Variants in CRADD observed in about 807,000 individuals in gnomAD.
The protein encoded by CRADD is CARD and death domain containing adaptor protein.
In CRADD, 9 loss-of-function variants were observed where a neutral mutation model predicts 15.5. That is an observed-to-expected ratio of 0.58 (90% CI 0.35 to 1.01). The LOEUF (loss-of-function observed/expected upper bound fraction) is 1.01, where lower values mean the gene tolerates loss of function less well. Ranked by LOEUF, CRADD falls within the 50% of genes least tolerant of loss-of-function variation. The probability of loss-of-function intolerance (pLI) is 0.02; values close to 1 mark genes in which losing one functional copy is unlikely to be tolerated. For missense variants in CRADD, 227 were observed against 250.3 expected, an observed-to-expected ratio of 0.91 and a Z score of 0.63; for synonymous variants, 118 against 107.6, an observed-to-expected ratio of 1.10 and a Z score of -0.60.
intron 2 of CRADD, among the ~76,000 whole-genome samples, chr12:93,832,229 T>C (rs1957913301): frequency 1.3e-5 from 2 of 152,178 alleles, no homozygotes; most frequent in Admixed American, 6.5e-5. Flanking sequence ...TCTCTCTTCC[T>C]AGGATGCTAA....
chr12:93,789,952 A>G (rs1295569502), intron 2 of CRADD, among the ~76,000 whole-genome samples: 1 of 152,160 alleles, frequency 6.6e-6, no homozygotes, highest in African/African-American at 2.4e-5. Context: ...AAATTTCACA[A>G]TATGTGAAAG....
intron 2 of CRADD, among the ~76,000 whole-genome samples, chr12:93,812,436 A>G (rs1957639067): frequency 6.6e-6 from 1 of 152,042 alleles, no homozygotes; most frequent in South Asian, 2.1e-4. Flanking sequence ...GCACTTTGGG[A>G]GGCCGAGGTG....
chr12:93,719,639 TA>T (rs1418057038), intron 2 of CRADD, among the ~76,000 whole-genome samples: 10 of 152,176 alleles, frequency 6.6e-5, no homozygotes, highest in South Asian at 2.1e-4. Flanking sequence ...CAGGCCAACT[TA>T]GATTGTTTAT....
intron 2 of CRADD, among the ~76,000 whole-genome samples, chr12:93,876,439 A>T (rs1179835664): frequency 6.6e-6 from 1 of 152,138 alleles, no homozygotes; most frequent in South Asian, 2.1e-4. Context: ...CCTCCTATTT[A>T]AGGCCAATAA....
intron 2 of CRADD, among the ~76,000 whole-genome samples, chr12:93,724,581 G>A (rs187263050): frequency 5.3e-5 from 8 of 152,236 alleles, no homozygotes; most frequent in Non-Finnish European, 7.4e-5. Context: ...TAAATACAGA[G>A]CTGGAAACCA....
Position 93,722,021 on chromosome 12 carries a change from A to C in CRADD, c.298+42949A>C, listed in dbSNP as rs150308389. On this transcript the variant is annotated intron_variant, in intron 2 of 2. Coordinates refer to ENST00000332896, the MANE Select transcript of CRADD (RefSeq NM_003805.5). ...CTTCTTTTAACATTTCTTGTAAGGCAGGTCTACTGCCAACAAACTCTGTCA... is the reference window on the plus strand; with the variant it reads ...CTTCTTTTAACATTTCTTGTAAGGCCGGTCTACTGCCAACAAACTCTGTCA... 3.2e-3 allele frequency among the ~76,000 whole-genome samples: 489 copies of C among 152,290 alleles called. 1 individual carries two copies. The highest frequency in any genetic ancestry group is 5.3e-3 in the Non-Finnish European group (359 of 68,012).
At chr12:93,862,739 T>C (rs1958328144) in intron 2 of CRADD, among the ~76,000 whole-genome samples, 1 of 152,164 alleles carries the variant, frequency 6.6e-6, no homozygotes, top group Non-Finnish European at 1.5e-5. Context: ...AAATCAGAAA[T>C]GTGTGGTATT....
At position 93,787,309 on chromosome 12, in the gene CRADD, T is replaced by G. The variant is rs894349935; in HGVS notation, c.299-62661T>G. Among the ~76,000 whole-genome samples the G allele has an allele frequency of 3.6e-3, 475 of 133,610 alleles. 3 individuals carry two copies. Among genetic ancestry groups the G allele is most frequent in the African/African-American group, 0.012 (456 of 36,792 alleles). The allele number at this position is 133,610 out of a possible 152,430, so 87.7% of individuals were successfully genotyped here. ...ACTGTAAAGTAGTATGACAGGGTTT[T>G]TTTTTTTTTTTTTTTTTTTTTAATA... is the stretch of plus-strand genomic sequence containing the variant. On this transcript the variant is annotated intron_variant, in intron 2 of 2. Coordinates refer to ENST00000332896, the MANE Select transcript of CRADD (RefSeq NM_003805.5).
In CRADD at chr12:93,882,363, G is replaced by A. The variant is rs753901885; in HGVS notation, c.299-11687G>A. 2.0e-5 allele frequency among the ~76,000 whole-genome samples: 3 copies of A among 149,372 alleles called. No homozygotes were observed. The East Asian group carries it at 6.0e-4, about 30-fold the overall frequency. ...TTGAACCCGGGAAACGGAGGTTGCA[G>A]TGAGCTGAGTCTGTGCCACTGTACT... On this transcript the variant is annotated intron_variant, in intron 2 of 2. Coordinates refer to the CRADD transcript ENST00000548483.
chr12:93,795,304 C>G (rs1189668930), intron 2 of CRADD, among the ~76,000 whole-genome samples: 1 of 152,152 alleles, frequency 6.6e-6, no homozygotes. Context: ...ACGCTTCTTC[C>G]CCATCCCTAA....
At chr12:93,809,734 A>T (rs936177525) in intron 2 of CRADD, among the ~76,000 whole-genome samples, 2 of 152,214 alleles carry the variant, frequency 1.3e-5, no homozygotes, top group Non-Finnish European at 2.9e-5. Flanking sequence ...GCATCTTGGC[A>T]TAGCTGGTTT....
chr12:93,781,595 G>A (rs982409800), intron 2 of CRADD, among the ~76,000 whole-genome samples: 8 of 152,278 alleles, frequency 5.3e-5, no homozygotes, highest in East Asian at 1.9e-4. Flanking sequence ...TGGAACAGCC[G>A]AACGTTAGTT....
At chr12:93,866,983 G>T (rs1400309618) in intron 2 of CRADD, among the ~76,000 whole-genome samples, 2 of 152,132 alleles carry the variant, frequency 1.3e-5, no homozygotes, top group African/African-American at 4.8e-5. Context: ...TCTGCTGAGG[G>T]AAAGAGGGGT....
intron 2 of CRADD, among the ~76,000 whole-genome samples, chr12:93,771,444 G>T (rs1296092281): frequency 6.6e-6 from 1 of 152,128 alleles, no homozygotes; most frequent in African/African-American, 2.4e-5. Context: ...CTTTTGCTCA[G>T]TGTTTTTATA....
chr12:93,879,121 T>G (rs916679546), intron 2 of CRADD, among the ~76,000 whole-genome samples: 1 of 152,208 alleles, frequency 6.6e-6, no homozygotes, highest in Admixed American at 6.5e-5. Context: ...TGATTTGGTC[T>G]TCCAAATCAC....
intron 2 of CRADD, among the ~76,000 whole-genome samples, chr12:93,817,050 T>TA (rs933582194): frequency 2.0e-5 from 3 of 152,198 alleles, no homozygotes; most frequent in African/African-American, 7.2e-5. Context: ...ATAGTATTTT[T>TA]AAAGTAATAC....
chr12:93,746,875 G>A (rs1956761257), intron 2 of CRADD, among the ~76,000 whole-genome samples: 1 of 151,368 alleles, frequency 6.6e-6, no homozygotes, highest in African/African-American at 2.4e-5. Context: ...CTATAATCAA[G>A]CACATTAATA....
intron 2 of CRADD, among the ~76,000 whole-genome samples, chr12:93,691,608 G>T (rs1592889284): frequency 6.6e-6 from 1 of 152,078 alleles, no homozygotes; most frequent in Non-Finnish European, 1.5e-5. Flanking sequence ...CACTAAATGG[G>T]GTAAAAGAGG....
chr12:93,728,288 A>G (rs1023274292), intron 2 of CRADD, among the ~76,000 whole-genome samples: 3 of 152,248 alleles, frequency 2.0e-5, no homozygotes, highest in Non-Finnish European at 2.9e-5. Flanking sequence ...AGTTGAAATT[A>G]TCAGAGTGAT....
Sources: allele counts gnomAD v4.1 joint callset (sites outside exome capture counted in the v4.1 genomes callset), GRCh38; gene constraint gnomAD v4.1.1; transcripts MANE v1.5; gene names NCBI Gene and HGNC (gene_info 2026-07-23, HGNC 2026-07-21).